Variants in GRM5 observed in about 807,000 individuals in gnomAD.
GRM5 encodes glutamate metabotropic receptor 5.
In GRM5, 19 loss-of-function variants were observed where a neutral mutation model predicts 83.1. The observed-to-expected ratio is 0.23, with a 90% confidence interval of 0.16 to 0.34. The LOEUF (loss-of-function observed/expected upper bound fraction) is 0.34, where lower values mean the gene tolerates loss of function less well. Ranked by LOEUF, GRM5 falls within the 10% of genes least tolerant of loss-of-function variation. The pLI, the probability that GRM5 is intolerant of heterozygous loss-of-function variation, is 1.00. For synonymous variants in GRM5, 675 were observed against 633.6 expected (o/e 1.07, Z -0.98); for missense variants, 1,160 against 1,588.3 (o/e 0.73, Z 4.58).
intron 1 of GRM5, among the ~76,000 whole-genome samples, chr11:89,053,677 A>C (rs1011951274): frequency 1.3e-4 from 5 of 37,182 alleles, no homozygotes; most frequent in African/African-American, 3.4e-4. Flanking sequence ...CTGAGTGTTT[A>C]AAAGCAAAAA....
chr11:88,939,029 T>C (rs988105616), intron 2 of GRM5, among the ~76,000 whole-genome samples: 1 of 151,894 alleles, frequency 6.6e-6, no homozygotes. Flanking sequence ...AAATTCACAA[T>C]TGCTCTATTT....
At chr11:88,944,829 A>G (rs141246626) in intron 2 of GRM5, among the ~76,000 whole-genome samples, 2,483 of 151,992 alleles carry the variant, frequency 0.016, 70 homozygotes, top group African/African-American at 0.058. Flanking sequence ...AGTCTCACCA[A>G]TCATATTCAA....
At chr11:88,993,370 G>T (rs1205612246) in intron 2 of GRM5, among the ~76,000 whole-genome samples, 2 of 151,500 alleles carry the variant, frequency 1.3e-5, no homozygotes, top group Non-Finnish European at 2.9e-5. Context: ...CCATCATTGT[G>T]TGTTCTTGGT....
At chr11:88,891,766 T>C (rs2135585679) in intron 2 of GRM5, among the ~76,000 whole-genome samples, 1 of 152,212 alleles carries the variant, frequency 6.6e-6, no homozygotes, top group South Asian at 2.1e-4. Flanking sequence ...AATCAAGCTA[T>C]AAGACTTTAA....
At chr11:88,729,371 AAAT>A (rs1357163813) in intron 3 of GRM5, among the ~76,000 whole-genome samples, 7 of 152,148 alleles carry the variant, frequency 4.6e-5, no homozygotes, top group Admixed American at 4.6e-4. Flanking sequence ...CCAAAAAAAA[AAAT>A]AAGAGGACAC....
At chr11:89,019,380 T>C (rs1031562957) in intron 2 of GRM5, among the ~76,000 whole-genome samples, 31 of 152,024 alleles carry the variant, frequency 2.0e-4, no homozygotes, top group African/African-American at 7.5e-4. Flanking sequence ...AGGCTTTGTA[T>C]AGAAAAATGT....
At chr11:88,781,367 T>C (rs1168491024) in intron 3 of GRM5, among the ~76,000 whole-genome samples, 2 of 152,096 alleles carry the variant, frequency 1.3e-5, no homozygotes, top group African/African-American at 2.4e-5. Context: ...TAAATGGAGA[T>C]GGACCTCACA....
At chr11:89,004,838 G>C (rs1453861291) in intron 2 of GRM5, among the ~76,000 whole-genome samples, 3 of 152,212 alleles carry the variant, frequency 2.0e-5, no homozygotes, top group Non-Finnish European at 2.9e-5. Context: ...TATGCAAATA[G>C]ATGAAATATT....
At chr11:89,022,486 CAA>C (rs10573194) in intron 2 of GRM5, among the ~76,000 whole-genome samples, 9,491 of 125,954 alleles carry the variant, frequency 0.075, 725 homozygotes, top group African/African-American at 0.21. Context: ...ACTAAAAATA[CAA>C]AAAAAAAAAA....
chr11:88,897,099 C>T (rs1945238929), intron 2 of GRM5, among the ~76,000 whole-genome samples: 1 of 151,774 alleles, frequency 6.6e-6, no homozygotes, highest in South Asian at 2.1e-4. Flanking sequence ...GATGGCTAAA[C>T]CTAAAAAATT....
At chr11:89,020,774 T>C (rs1940964726) in intron 2 of GRM5, among the ~76,000 whole-genome samples, 2 of 152,214 alleles carry the variant, frequency 1.3e-5, no homozygotes, top group African/African-American at 4.8e-5. Flanking sequence ...TTATGCAATA[T>C]ATACTATGTG....
At chr11:88,714,812 A>G (rs1406941415) in intron 3 of GRM5, among the ~76,000 whole-genome samples, 1 of 151,928 alleles carries the variant, frequency 6.6e-6, no homozygotes, top group Non-Finnish European at 1.5e-5. Flanking sequence ...CTTCCTGAGG[A>G]CAAGTCAACG....
chr11:88,514,339 A>G (rs1941467758), intron 9 of GRM5, among the ~76,000 whole-genome samples: 1 of 152,130 alleles, frequency 6.6e-6, no homozygotes, highest in Non-Finnish European at 1.5e-5. Context: ...CCAAAATGAC[A>G]CTTTCTATCT....
intron 1 of GRM5, among the ~76,000 whole-genome samples, chr11:89,060,017 G>T (rs1941957260): frequency 6.6e-6 from 1 of 151,992 alleles, no homozygotes; most frequent in African/African-American, 2.4e-5. Flanking sequence ...CAAGTAGTAA[G>T]CCACAAAGCT....
At chr11:88,923,682 A>T (rs191669950) in intron 2 of GRM5, among the ~76,000 whole-genome samples, 986 of 152,146 alleles carry the variant, frequency 6.5e-3, no homozygotes, top group Non-Finnish European at 0.011. Context: ...ACATTTTTAA[A>T]TAACAAAAAG....
chr11:88,513,545 A>G (rs1020862964), intron 9 of GRM5, among the ~76,000 whole-genome samples: 1 of 152,164 alleles, frequency 6.6e-6, no homozygotes, highest in South Asian at 2.1e-4. Context: ...ACAAAGCTTG[A>G]TATCTGCCAT....
At chr11:89,026,327 GA>G (rs1941129631) in intron 2 of GRM5, among the ~76,000 whole-genome samples, 2 of 152,244 alleles carry the variant, frequency 1.3e-5, no homozygotes, top group South Asian at 2.1e-4. Flanking sequence ...AACTTAAGGG[GA>G]AAAAATTTAG....
intron 2 of GRM5, among the ~76,000 whole-genome samples, chr11:89,035,139 G>A (rs1941355077): frequency 2.0e-5 from 3 of 151,730 alleles, no homozygotes; most frequent in Admixed American, 1.3e-4. Context: ...AATATAACCA[G>A]AGAGTATAAT....
At chr11:88,988,503 C>A (rs1045650232) in intron 2 of GRM5, among the ~76,000 whole-genome samples, 1 of 152,084 alleles carries the variant, frequency 6.6e-6, no homozygotes, top group Non-Finnish European at 1.5e-5. Context: ...TCAGGAAATA[C>A]AGAGAACGCC....
Sources: allele counts gnomAD v4.1 joint callset (sites outside exome capture counted in the v4.1 genomes callset), GRCh38; gene constraint gnomAD v4.1.1; transcripts MANE v1.5; gene names NCBI Gene and HGNC (gene_info 2026-07-23, HGNC 2026-07-21).